DGKA: variants seen among roughly 807,000 people sequenced by gnomAD.
DGKA encodes diacylglycerol kinase alpha.
A neutral mutation model predicts 105.0 loss-of-function variants in DGKA; 35 were observed. That is an observed-to-expected ratio of 0.33 (90% CI 0.25 to 0.44). DGKA has a LOEUF of 0.44. Among genes scored for constraint, DGKA ranks in the 20% least tolerant of loss-of-function variants. The pLI is 1.00. For synonymous variants in DGKA, 296 were observed against 332.0 expected (o/e 0.89, Z 1.18); for missense variants, 665 against 915.0 (o/e 0.73, Z 3.53).
intron 1 of DGKA, chr12:55,935,794 CGGGGCTA>C: frequency 1.2e-6 from 1 of 828,720 alleles, no homozygotes; most frequent in Non-Finnish European, 1.5e-6. Context: ...CAGGCGGGGC[CGGGGCTA>C]GGGACCTTGC....
chr12:55,929,248 AG>A (rs776331939), upstream of DGKA: 2 of 152,368 alleles, frequency 1.3e-5, no homozygotes, highest in South Asian at 4.1e-4. Flanking sequence ...ATTGTACTTC[AG>A]CCCTGCAGGG....
chr12:55,951,810 G>A, intron 18 of DGKA, 27 bp downstream of exon 18: 2 of 1,607,256 alleles, frequency 1.2e-6, no homozygotes, highest in Non-Finnish European at 1.7e-6. Context: ...CTGGGGAGAA[G>A]GGAGAAAGGG....
rs1241544737 is a variant in DGKA at position 55,952,857 on chromosome 12, T to C, written c.1867T>C (p.Tyr623His). The change falls in exon 21 of 24, where the codon TAT becomes CAT. Residue 623 changes from tyrosine (Y) to histidine (H), a missense_variant. Physicochemically the swap from Tyr to His is moderately conservative, Grantham distance 83. This residue lies in a region of DGKA where 158 missense variants were observed against 213.4 expected (regional missense o/e 0.74). Coordinates refer to ENST00000331886, the MANE Select transcript of DGKA (RefSeq NM_001345.5). This position sits in a 1 kb window ranked among gnomAD's most constrained non-coding sequence, Gnocchi z 5.1. ...GDTRRPHGDI[Y>H]GINQALGATA... is the part of the protein sequence containing the mutation. Reference sequence around the variant, plus strand: ...TACCAGGAGACCCCATGGGGATATCTATGGGATCAACCAGGCCTTAGGTGC... The same window carrying C: ...TACCAGGAGACCCCATGGGGATATCCATGGGATCAACCAGGCCTTAGGTGC... 6.2e-7 allele frequency: 1 copy of C among 1,614,008 alleles called. No individual in the cohort carries two copies. Among genetic ancestry groups the C allele is most frequent in the African/African-American group, 1.3e-5 (1 of 74,896 alleles).
intron 4 of DGKA, 100 bp downstream of exon 4, chr12:55,937,643 G>A: frequency 6.8e-7 from 1 of 1,475,804 alleles, no homozygotes; most frequent in Non-Finnish European, 9.2e-7. Flanking sequence ...CGTTGTGCAG[G>A]TTGGGGGAAA....
Position 55,939,004 on chromosome 12 carries a change from C to T in DGKA, c.474+15C>T, listed in dbSNP as rs753549637. On this transcript the variant is annotated intron_variant, in intron 7 of 23. Transcript: ENST00000331886. ...AGCTGAGGCCGGTAAGGCAGCTCTT[C>T]CTTCATGTCCCTTCTTGTACCTTCT... is the stretch of plus-strand genomic sequence containing the variant. 6.2e-7 allele frequency: 1 copy of T among 1,614,114 alleles called. No individual in the cohort carries two copies. The highest frequency in any genetic ancestry group is 8.5e-7 in the Non-Finnish European group (1 of 1,179,958).
At position 55,953,422 on chromosome 12, in the gene DGKA, C is replaced by T. The variant is rs17118141; in HGVS notation, c.2124+12C>T. ...AGACGCCCTGTACAGTGAGTATTGA[C>T]GATCCCAGCCAAAAATTAAACCCTT... On this transcript the variant is annotated intron_variant, in intron 23 of 23. Coordinates refer to ENST00000331886, the MANE Select transcript of DGKA (RefSeq NM_001345.5). 16,119 of 1,613,564 alleles carry T rather than the reference C, an allele frequency of 1.0e-2. 1,155 individuals are homozygous for T. The Admixed American group carries it at 0.17, about 17-fold the overall frequency.
intron 17 of DGKA, among the ~76,000 whole-genome samples, chr12:55,944,599 T>C (rs1178563021): frequency 1.3e-5 from 2 of 152,176 alleles, no homozygotes; most frequent in Non-Finnish European, 2.9e-5. Context: ...GGAAATTACC[T>C]GTTTGCAGTA....
intron 2 of DGKA, 133 bp from the exon 3 acceptor site, chr12:55,936,884 T>C (rs771054396): frequency 1.1e-6 from 1 of 909,642 alleles, no homozygotes; most frequent in Non-Finnish European, 1.8e-6. Flanking sequence ...CTGAAATATT[T>C]TTCCCTCTGT....
At position 55,938,506 on chromosome 12, in the gene DGKA, C is replaced by T; in HGVS notation, c.350-5C>T. On this transcript the variant is annotated splice_region_variant and splice_polypyrimidine_tract_variant and intron_variant, in intron 5 of 23. Coordinates refer to ENST00000331886, the MANE Select transcript of DGKA (RefSeq NM_001345.5). ...TGACCCTGGCCCCCCTAAAACACCC[C>T]ACAGTCACCTTCAAGCTGTACGACA... is the stretch of plus-strand genomic sequence containing the variant. 2 of 1,614,080 alleles carry T rather than the reference C, an allele frequency of 1.2e-6. No individual in the cohort carries two copies. Among genetic ancestry groups the T allele is most frequent in the Non-Finnish European group, 1.7e-6 (2 of 1,179,982 alleles).
Position 55,952,280 on chromosome 12 carries a change from C to A in DGKA, c.1653-61C>A, listed in dbSNP as rs961192657. 9.0e-6 allele frequency: 14 copies of A among 1,561,908 alleles called. No individual in the cohort carries two copies. The African/African-American group carries it at 1.8e-4, about 20-fold the overall frequency. ...TGATGCCCTTCCCTGTCACGTACCA[C>A]CCCTGCCAGCACTGTGTAACCTGTC... On this transcript the variant is annotated intron_variant, in intron 19 of 23. Coordinates refer to ENST00000331886, the MANE Select transcript of DGKA (RefSeq NM_001345.5). The surrounding 1 kb of genome is among the most constrained non-coding windows in gnomAD (Gnocchi z 5.1).
chr12:55,939,361 G>A lies in DGKA; in HGVS notation c.595-54G>A, dbSNP rs529014572. ...AGACAGCCTTGGGTTATGCTTGCCCGGATTGGCCCTGTAAGGGCTTTGACA... is the reference window on the plus strand; with the variant it reads ...AGACAGCCTTGGGTTATGCTTGCCCAGATTGGCCCTGTAAGGGCTTTGACA... On this transcript the variant is annotated intron_variant, in intron 8 of 23. Transcript: ENST00000331886. The A allele has an allele frequency of 4.6e-5, 74 of 1,613,536 alleles. No homozygotes were observed. In the Admixed American group the frequency reaches 5.0e-4, roughly 11 times the overall value.
intron 23 of DGKA, 34 bp from the exon 24 acceptor site, chr12:55,953,651 G>A: frequency 6.2e-7 from 1 of 1,600,498 alleles, no homozygotes; most frequent in Non-Finnish European, 8.6e-7. Context: ...AAAGTATCAG[G>A]TCCTGCCTCT....
intron 1 of DGKA, among the ~76,000 whole-genome samples, chr12:55,933,875 GA>G (rs1884134568): frequency 6.6e-6 from 1 of 152,182 alleles, no homozygotes; most frequent in African/African-American, 2.4e-5. Flanking sequence ...GTGTAATAAT[GA>G]TAATAGCTGA....
In DGKA at chr12:55,932,229, A is replaced by C; in HGVS notation, c.-82+885A>C. 2.9e-6 allele frequency: 1 copy of C among 342,316 alleles called. No homozygotes were observed. The highest frequency in any genetic ancestry group is 5.6e-6 in the Non-Finnish European group (1 of 178,158). 21.2% of individuals were successfully genotyped at this position (342,316 alleles called of 1,614,324 possible). On this transcript the variant is annotated intron_variant, in intron 1 of 23. Coordinates refer to ENST00000331886, the MANE Select transcript of DGKA (RefSeq NM_001345.5). This position sits in a 1 kb window ranked among gnomAD's most constrained non-coding sequence, Gnocchi z 4.3. ...GCTGCGTTCGTGCTGCTGGGTCGGG[A>C]AGGAGGAAGCGTGACAGCTGGAGCG... is the stretch of plus-strand genomic sequence containing the variant.
chr12:55,953,016 C>T, intron 21 of DGKA, 24 bp from the exon 22 acceptor site: 3 of 1,614,148 alleles, frequency 1.9e-6, no homozygotes, highest in Non-Finnish European at 2.5e-6. Context: ...TTATGTAAAA[C>T]TTTACTCCCT....
chr12:55,950,340 T>A (rs1226419346), intron 17 of DGKA, among the ~76,000 whole-genome samples: 2 of 146,218 alleles, frequency 1.4e-5, no homozygotes. Context: ...GGAGTCTTGC[T>A]CTGTCACCCA....
At chr12:55,951,909 A>G in intron 18 of DGKA, 126 bp downstream of exon 18, 3 of 1,503,136 alleles carry the variant, frequency 2.0e-6, no homozygotes, top group Non-Finnish European at 2.8e-6. Flanking sequence ...AGTGCAGTAC[A>G]GTGCTGAGTT....
upstream of DGKA, chr12:55,930,664 C>G (rs1440225329): frequency 1.3e-5 from 2 of 152,292 alleles, no homozygotes; most frequent in African/African-American, 4.8e-5. Flanking sequence ...CCGCGCCCGG[C>G]CTTTGGCCCT....
chr12:55,953,402 C>A lies in DGKA; in HGVS notation c.2116C>A (p.Pro706Thr). 1 of 1,614,140 alleles carries A rather than the reference C, an allele frequency of 6.2e-7. No individual in the cohort carries two copies. The change falls in exon 23 of 24, where the codon CCC (proline) becomes ACC (threonine). Residue 706 changes from proline to threonine, a missense_variant. By Grantham distance (38) the Pro-to-Thr change is conservative (BLOSUM62 -1). Around this residue, in one of 3 missense-constraint regions of DGKA, gnomAD observed 158 missense variants for 213.4 expected, o/e 0.74. Transcript: ENST00000331886. ...QIDGEPWMQT[P>T]CTIKITHKNQ... ...TGACGGAGAACCCTGGATGCAGACG[C>A]CCTGTACAGTGAGTATTGACGATCC... is the stretch of plus-strand genomic sequence containing the variant.
Sources: gnomAD v4.1 joint callset for allele counts (sites outside exome capture counted in the v4.1 genomes callset) on GRCh38, gnomAD v4.1.1 for gene constraint, gnomAD v4.1.1 regional missense constraint, Gnocchi (gnomAD v3.1) non-coding constraint, MANE v1.5 for transcripts, NCBI Gene and HGNC (gene_info 2026-07-23, HGNC 2026-07-21) for gene names.